Variants in HHAT observed in about 807,000 individuals in gnomAD.
HHAT encodes the protein protein-cysteine N-palmitoyltransferase HHAT.
In HHAT, 47 loss-of-function variants were observed where a neutral mutation model predicts 70.8. That is an observed-to-expected ratio of 0.66 (90% CI 0.53 to 0.85). The LOEUF (loss-of-function observed/expected upper bound fraction) is 0.85. Among genes scored for constraint, HHAT ranks in the 40% least tolerant of loss-of-function variants. HHAT has a pLI of 0.00. For missense variants in HHAT, 609 were observed against 604.8 expected, an observed-to-expected ratio of 1.01 and a Z score of -0.07; for synonymous variants, 228 against 247.6, an observed-to-expected ratio of 0.92 and a Z score of 0.74.
chr1:210,579,755 G>A (rs1424786578), intron 9 of HHAT, among the ~76,000 whole-genome samples: 7 of 152,260 alleles, frequency 4.6e-5, no homozygotes, highest in Admixed American at 1.3e-4. Context: ...CACTGTTGCT[G>A]CTTGGGCTGT....
chr1:210,487,699 G>A (rs2094494200), intron 8 of HHAT, among the ~76,000 whole-genome samples: 2 of 152,134 alleles, frequency 1.3e-5, no homozygotes, highest in African/African-American at 2.4e-5. Context: ...AGCCAACATA[G>A]GAAATGTTCT....
intron 3 of HHAT, among the ~76,000 whole-genome samples, chr1:210,385,415 T>G (rs945892710): frequency 2.0e-5 from 3 of 152,174 alleles, no homozygotes; most frequent in African/African-American, 7.2e-5. Flanking sequence ...CTTGGCTAAT[T>G]TGGAAATCTC....
intron 7 of HHAT, among the ~76,000 whole-genome samples, chr1:210,420,390 T>C (rs1572313464): frequency 6.6e-6 from 1 of 152,216 alleles, no homozygotes; most frequent in East Asian, 1.9e-4. Flanking sequence ...TTGTCCGTTC[T>C]ACATATACGA....
chr1:210,392,791 A>G (rs1226353988), intron 4 of HHAT, among the ~76,000 whole-genome samples: 1 of 151,906 alleles, frequency 6.6e-6, no homozygotes, highest in African/African-American at 2.4e-5. Flanking sequence ...AATCTGCCCC[A>G]CCCCACCTCG....
chr1:210,555,724 T>C (rs769056019), intron 9 of HHAT, among the ~76,000 whole-genome samples: 3 of 152,210 alleles, frequency 2.0e-5, no homozygotes, highest in Non-Finnish European at 2.9e-5. Flanking sequence ...CCCATATATA[T>C]TGGTTGACAG....
intron 8 of HHAT, among the ~76,000 whole-genome samples, chr1:210,502,950 A>G (rs1387494547): frequency 6.6e-6 from 1 of 150,754 alleles, no homozygotes; most frequent in Non-Finnish European, 1.5e-5. Context: ...TGTACTCAAT[A>G]TACTGTCTAT....
At chr1:210,478,478 T>C (rs972721095) in intron 8 of HHAT, among the ~76,000 whole-genome samples, 2 of 146,682 alleles carry the variant, frequency 1.4e-5, no homozygotes, top group African/African-American at 2.4e-5. Flanking sequence ...TCCTTGGCTA[T>C]TGGGATGGTG....
At position 210,400,440 on chromosome 1, in the gene HHAT, C is replaced by G. The variant is rs147315677; in HGVS notation, c.274-28C>G. The stretch of plus-strand genomic sequence containing the variant: ...CTCCCTCCCCTCTTCCTCCCTGTCT[C>G]TCTCTGGATGGGCCCCACCATTTGC... On this transcript the variant is annotated intron_variant, in intron 4 of 11. Transcript: ENST00000261458. 142 of 1,572,468 alleles carry G rather than the reference C, an allele frequency of 9.0e-5. 1 individual carries two copies. In the African/African-American group the frequency reaches 1.7e-3, roughly 19 times the overall value.
intron 9 of HHAT, among the ~76,000 whole-genome samples, chr1:210,538,201 T>C (rs1479589355): frequency 1.3e-5 from 2 of 152,036 alleles, no homozygotes; most frequent in Non-Finnish European, 2.9e-5. Flanking sequence ...CAAAAGGCAA[T>C]GTATTCCTCA....
chr1:210,673,530 A>G (rs1323444020), intron 11 of HHAT, among the ~76,000 whole-genome samples: 1 of 151,720 alleles, frequency 6.6e-6, no homozygotes, highest in African/African-American at 2.4e-5. Flanking sequence ...ACTCAGACTC[A>G]TGGACTTTTT....
intron 9 of HHAT, among the ~76,000 whole-genome samples, chr1:210,565,344 G>A (rs1190410308): frequency 7.2e-5 from 11 of 152,216 alleles, no homozygotes; most frequent in African/African-American, 2.7e-4. Flanking sequence ...GGCATCCTCA[G>A]TATTAGGTTG....
At chr1:210,621,254 G>A (rs774958174) in intron 10 of HHAT, among the ~76,000 whole-genome samples, 5 of 152,078 alleles carry the variant, frequency 3.3e-5, no homozygotes, top group Non-Finnish European at 5.9e-5. Flanking sequence ...GGTAGTTGAC[G>A]TTAACAAAGG....
At chr1:210,474,730 A>ATT (rs2094273643) in intron 8 of HHAT, among the ~76,000 whole-genome samples, 2 of 152,056 alleles carry the variant, frequency 1.3e-5, no homozygotes, top group Non-Finnish European at 2.9e-5. Flanking sequence ...AGTCTAGTGG[A>ATT]TAAGAGTGAG....
chr1:210,365,321 T>TGTTTTTG (rs201750929), intron 3 of HHAT, among the ~76,000 whole-genome samples: 1 of 132,124 alleles, frequency 7.6e-6, no homozygotes, highest in Non-Finnish European at 1.6e-5. Context: ...TTTTTTTTTT[T>TGTTTTTG]TTTTTTTTTT....
At position 210,601,928 on chromosome 1, in the gene HHAT, T is replaced by G. The variant is rs561491309; in HGVS notation, c.1245+13829T>G. Among the ~76,000 whole-genome samples, 26 of 96,632 alleles carry G rather than the reference T, an allele frequency of 2.7e-4. No homozygotes were observed. In the East Asian group the frequency reaches 5.3e-3, roughly 20 times the overall value. 63.4% of individuals were successfully genotyped at this position (96,632 alleles called of 152,430 possible). On this transcript the variant is annotated intron_variant, in intron 10 of 11. Transcript: ENST00000261458. ...ATGATATTTTGGAGCCATGAGAATA[T>G]TTGAGACTCAGAGAGAGAGAGAGAG...
intron 10 of HHAT, among the ~76,000 whole-genome samples, chr1:210,594,182 T>C (rs1423813638): frequency 1.3e-5 from 2 of 152,184 alleles, no homozygotes; most frequent in Admixed American, 1.3e-4. Context: ...TATTTATACA[T>C]AAGGACTTCC....
At chr1:210,395,780 T>C (rs2091748138) in intron 4 of HHAT, among the ~76,000 whole-genome samples, 1 of 152,178 alleles carries the variant, frequency 6.6e-6, no homozygotes, top group Non-Finnish European at 1.5e-5. Context: ...TACTGCTATT[T>C]TCTTGTTTTT....
At chr1:210,491,512 A>G (rs1373755858) in intron 8 of HHAT, among the ~76,000 whole-genome samples, 2 of 152,054 alleles carry the variant, frequency 1.3e-5, no homozygotes, top group African/African-American at 2.4e-5. Context: ...TGGGCAAGTT[A>G]TTATTTCTTT....
intron 10 of HHAT, among the ~76,000 whole-genome samples, chr1:210,613,060 G>T (rs895339319): frequency 3.3e-5 from 5 of 151,954 alleles, no homozygotes; most frequent in Admixed American, 3.3e-4. Context: ...CCCATTCCTG[G>T]GTTGTCTTTT....
Sources: gnomAD v4.1 joint callset for allele counts (sites outside exome capture counted in the v4.1 genomes callset) on GRCh38, gnomAD v4.1.1 for gene constraint, MANE v1.5 for transcripts, NCBI Gene and HGNC (gene_info 2026-07-23, HGNC 2026-07-21) for gene names.